LRRFIP1: variants seen among roughly 807,000 people sequenced by gnomAD.
LRRFIP1 encodes the protein leucine-rich repeat flightless-interacting protein 1.
LRRFIP1 carries 62 observed loss-of-function variants against 104.4 expected under a neutral mutation model. The observed-to-expected ratio is 0.59, with a 90% CI of 0.48 to 0.73. The LOEUF is 0.73. Ranked by LOEUF, LRRFIP1 falls within the 30% of genes least tolerant of loss-of-function variation. The pLI, the probability that LRRFIP1 is intolerant of heterozygous loss-of-function variation, is 0.00. For synonymous variants in LRRFIP1, 300 were observed against 299.0 expected, an observed-to-expected ratio of 1.00 and a Z score of -0.03; for missense variants, 796 against 824.5, an observed-to-expected ratio of 0.97 and a Z score of 0.42.
intron 1 of LRRFIP1, among the ~76,000 whole-genome samples, chr2:237,664,056 G>A (rs1353193862): frequency 1.3e-5 from 2 of 151,986 alleles, no homozygotes; most frequent in East Asian, 3.9e-4. Context: ...TGGGGGCAGA[G>A]GGGAAACAGC....
intron 19 of LRRFIP1, chr2:237,769,520 T>C (rs1361728133): frequency 5.4e-6 from 1 of 184,000 alleles, no homozygotes; most frequent in Non-Finnish European, 1.2e-5. Flanking sequence ...GAAAGATAAA[T>C]ACATCTGGGA....
Position 237,764,341 on chromosome 2 carries a change from G to A in LRRFIP1, c.1459+4136G>A. 3 of 1,483,874 alleles carry A rather than the reference G, an allele frequency of 2.0e-6. No homozygotes were observed. The South Asian group carries it at 4.3e-5, about 21-fold the overall frequency. The allele number at this position is 1,483,874 out of a possible 1,614,324, so 91.9% of individuals were successfully genotyped here. ...TTGAGGTTATCACCCAGATTAGAAAGACATATTTGTTATCAGTGTACGTTC... is the reference window on the plus strand; with the variant it reads ...TTGAGGTTATCACCCAGATTAGAAAAACATATTTGTTATCAGTGTACGTTC... On this transcript the variant is annotated intron_variant, in intron 19 of 23. Transcript: ENST00000308482.
intron 1 of LRRFIP1, among the ~76,000 whole-genome samples, chr2:237,688,552 G>C (rs546479027): frequency 6.8e-6 from 1 of 147,446 alleles, no homozygotes; most frequent in African/African-American, 2.5e-5. Flanking sequence ...TCCACCTCCT[G>C]TGTTCAAGTG....
chr2:237,753,206 A>T, intron 14 of LRRFIP1, 103 bp from the exon 15 acceptor site: 1 of 777,896 alleles, frequency 1.3e-6, no homozygotes, highest in Non-Finnish European at 2.0e-6. Flanking sequence ...TAAGAAATAT[A>T]GTCTAAGTTT....
chr2:237,671,586 G>T (rs1236506748), intron 1 of LRRFIP1, among the ~76,000 whole-genome samples: 4 of 152,146 alleles, frequency 2.6e-5, no homozygotes, highest in Non-Finnish European at 5.9e-5. Context: ...AAGGAAGACA[G>T]GTAAGGGGAC....
At chr2:237,702,883 A>G (rs1422819166) in intron 1 of LRRFIP1, among the ~76,000 whole-genome samples, 2 of 152,204 alleles carry the variant, frequency 1.3e-5, no homozygotes, top group Admixed American at 1.3e-4. Context: ...TTGTTAGCTT[A>G]TAGCCGTTTA....
intron 6 of LRRFIP1, 95 bp from the exon 7 acceptor site, chr2:237,723,453 G>T: frequency 8.3e-7 from 1 of 1,208,502 alleles, no homozygotes; most frequent in Non-Finnish European, 1.2e-6. Flanking sequence ...AGATTTTAAA[G>T]ATTGCTTGTA....
chr2:237,697,691 G>T (rs1460099757), intron 1 of LRRFIP1, among the ~76,000 whole-genome samples: 1 of 152,176 alleles, frequency 6.6e-6, no homozygotes, highest in Non-Finnish European at 1.5e-5. Flanking sequence ...AACCCTAGAG[G>T]TCTGGGGTTT....
intron 13 of LRRFIP1, among the ~76,000 whole-genome samples, chr2:237,749,720 T>C (rs909559857): frequency 2.6e-5 from 4 of 152,218 alleles, no homozygotes; most frequent in Non-Finnish European, 5.9e-5. Flanking sequence ...CCCTCCCCAC[T>C]AAGTATGTTC....
intron 1 of LRRFIP1, among the ~76,000 whole-genome samples, chr2:237,659,929 G>A (rs537581067): frequency 6.6e-6 from 1 of 152,246 alleles, no homozygotes; most frequent in African/African-American, 2.4e-5. Flanking sequence ...GTGAGCCACC[G>A]CAAGTGGCCG....
intron 18 of LRRFIP1, among the ~76,000 whole-genome samples, chr2:237,759,557 G>A (rs981287402): frequency 1.4e-4 from 21 of 152,220 alleles, no homozygotes; most frequent in Non-Finnish European, 1.0e-4. Flanking sequence ...GTTGGGAAGT[G>A]CTGCTGTTTT....
At chr2:237,692,426 C>T (rs994720578) in intron 1 of LRRFIP1, 76 of 1,491,584 alleles carry the variant, frequency 5.1e-5, no homozygotes, top group Non-Finnish European at 6.8e-5. Flanking sequence ...GAGCATTTCC[C>T]GCCGGGTGGA....
intron 5 of LRRFIP1, 109 bp downstream of exon 5, chr2:237,719,676 C>A: frequency 1.5e-6 from 1 of 672,652 alleles, no homozygotes. Flanking sequence ...ATGATATCAT[C>A]TCTTAAAGAA....
At chr2:237,764,684 G>C (rs1162489310) in intron 19 of LRRFIP1, 1 of 988,404 alleles carries the variant, frequency 1.0e-6, no homozygotes, top group Non-Finnish European at 1.2e-6. Context: ...TGAATGATAA[G>C]ATTTGCACCT....
Position 237,661,766 on chromosome 2 carries a change from G to A in LRRFIP1, c.96+34026G>A, listed in dbSNP as rs2088019433. 6.6e-6 allele frequency among the ~76,000 whole-genome samples: 1 copy of A among 152,172 alleles called. No individual in the cohort carries two copies. The highest frequency in any genetic ancestry group is 1.5e-5 in the Non-Finnish European group (1 of 68,034). ...TGGGGACAGCTCCAGGAAGAGAGAGGGCACTGTTTTCCTGTTTCCTGAGTC... is the reference window on the plus strand; with the variant it reads ...TGGGGACAGCTCCAGGAAGAGAGAGAGCACTGTTTTCCTGTTTCCTGAGTC... On this transcript the variant is annotated intron_variant, in intron 1 of 23. Transcript: ENST00000308482. This position sits in a 1 kb window ranked among gnomAD's most constrained non-coding sequence, Gnocchi z 4.4.
intron 1 of LRRFIP1, among the ~76,000 whole-genome samples, chr2:237,686,972 C>T (rs2092415234): frequency 6.6e-6 from 1 of 152,202 alleles, no homozygotes; most frequent in South Asian, 2.1e-4. Flanking sequence ...GAGGTGTGGT[C>T]ACTGGTCCAC....
intron 20 of LRRFIP1, among the ~76,000 whole-genome samples, chr2:237,771,350 A>G (rs1284051280): frequency 6.6e-6 from 1 of 152,026 alleles, no homozygotes; most frequent in African/African-American, 2.4e-5. Flanking sequence ...TCCAAAAAGC[A>G]TAGCTTGAAT....
At position 237,774,245 on chromosome 2, in the gene LRRFIP1, A is replaced by G. The variant is rs1559872561; in HGVS notation, c.1708-113A>G. On this transcript the variant is annotated intron_variant, in intron 22 of 23. Transcript: ENST00000308482. ...AGTCCAAAATGTTATAAGTATTTACATGGTGTATTCTCCCATTTTATTAAA... is the reference window on the plus strand; with the variant it reads ...AGTCCAAAATGTTATAAGTATTTACGTGGTGTATTCTCCCATTTTATTAAA... 4 of 670,394 alleles carry G rather than the reference A, an allele frequency of 6.0e-6. No homozygotes were observed. The African/African-American group carries it at 7.3e-5, about 12-fold the overall frequency. 41.5% of individuals were successfully genotyped at this position (670,394 alleles called of 1,614,324 possible). A position where few individuals can be genotyped will look rare whatever the true frequency, so the allele number is the denominator to read the frequency against.
intron 1 of LRRFIP1, among the ~76,000 whole-genome samples, chr2:237,706,448 G>A (rs970186199): frequency 7.2e-5 from 11 of 151,966 alleles, no homozygotes; most frequent in Admixed American, 2.6e-4. Context: ...ATGAAACCTC[G>A]TACCTGCTCT....
Sources: gnomAD v4.1 joint callset for allele counts (sites outside exome capture counted in the v4.1 genomes callset) on GRCh38, gnomAD v4.1.1 for gene constraint, Gnocchi (gnomAD v3.1) non-coding constraint, MANE v1.5 for transcripts, NCBI Gene and HGNC (gene_info 2026-07-23, HGNC 2026-07-21) for gene names.